The following PPP6R3 variants were observed in gnomAD, a reference collection of about 807,000 sequenced individuals.
The protein encoded by PPP6R3 is serine/threonine-protein phosphatase 6 regulatory subunit 3.
PPP6R3 carries 38 observed loss-of-function variants against 110.7 expected under a neutral mutation model. The ratio of observed to expected loss-of-function variants is 0.34; its 90% CI spans 0.26 to 0.45. The LOEUF (loss-of-function observed/expected upper bound fraction) is 0.45. Ranked by LOEUF, PPP6R3 falls within the 20% of genes least tolerant of loss-of-function variation. PPP6R3 has a pLI of 1.00. For synonymous variants in PPP6R3, 369 were observed against 373.5 expected (o/e 0.99, Z 0.14); for missense variants, 870 against 1,062.4 (o/e 0.82, Z 2.52).
chr11:68,491,157 A>G (rs1479145095), intron 1 of PPP6R3, among the ~76,000 whole-genome samples: 1 of 152,140 alleles, frequency 6.6e-6, no homozygotes, highest in Non-Finnish European at 1.5e-5. Flanking sequence ...ACTGCACTCC[A>G]GCCTGGGTGA....
chr11:68,521,905 C>G (rs1374468303), intron 2 of PPP6R3, among the ~76,000 whole-genome samples: 3 of 152,110 alleles, frequency 2.0e-5, no homozygotes, highest in African/African-American at 7.2e-5. Context: ...GTCAGAGTTG[C>G]TCCCATCAAA....
intron 1 of PPP6R3, among the ~76,000 whole-genome samples, chr11:68,518,211 C>T (rs1223154302): frequency 6.6e-6 from 1 of 152,134 alleles, no homozygotes; most frequent in Non-Finnish European, 1.5e-5. Flanking sequence ...AAAGGAAAAT[C>T]CTCAGTTTAT....
intron 7 of PPP6R3, among the ~76,000 whole-genome samples, chr11:68,554,647 G>T (rs2099392599): frequency 1.3e-5 from 2 of 152,170 alleles, no homozygotes; most frequent in African/African-American, 4.8e-5. Context: ...AGGATTCATT[G>T]TATCTTTGCA....
intron 14 of PPP6R3, among the ~76,000 whole-genome samples, chr11:68,579,731 C>T (rs956568254): frequency 6.6e-6 from 1 of 152,190 alleles, no homozygotes; most frequent in South Asian, 2.1e-4. Flanking sequence ...TGACAGTAGT[C>T]CCATAAGATT....
intron 6 of PPP6R3, among the ~76,000 whole-genome samples, chr11:68,552,375 C>T (rs1011977616): frequency 1.3e-5 from 2 of 152,170 alleles, no homozygotes; most frequent in African/African-American, 4.8e-5. Flanking sequence ...GATAGTAGAG[C>T]GAAACCCTTT....
At chr11:68,498,385 A>G (rs1275799458) in intron 1 of PPP6R3, among the ~76,000 whole-genome samples, 3 of 152,154 alleles carry the variant, frequency 2.0e-5, no homozygotes, top group African/African-American at 7.2e-5. Context: ...CTTCTATATT[A>G]TTACTATTTA....
intron 1 of PPP6R3, among the ~76,000 whole-genome samples, chr11:68,479,823 C>T (rs576859316): frequency 4.9e-4 from 75 of 152,070 alleles, no homozygotes; most frequent in African/African-American, 1.8e-3. Context: ...ACTGTAGCCT[C>T]GGACACCTGG....
intron 1 of PPP6R3, among the ~76,000 whole-genome samples, chr11:68,506,651 C>G (rs2099079670): frequency 6.6e-6 from 1 of 152,002 alleles, no homozygotes; most frequent in Admixed American, 6.6e-5. Context: ...ATTCACCATG[C>G]TATGCACTAT....
chr11:68,569,700 C>T, intron 10 of PPP6R3, 48 bp from the exon 11 acceptor site: 1 of 1,447,932 alleles, frequency 6.9e-7, no homozygotes, highest in Non-Finnish European at 9.4e-7. Context: ...TAAGTATTGG[C>T]TTAAACATTG....
chr11:68,518,337 C>G (rs1230694551), intron 1 of PPP6R3, among the ~76,000 whole-genome samples: 1 of 152,162 alleles, frequency 6.6e-6, no homozygotes, highest in Non-Finnish European at 1.5e-5. Flanking sequence ...AACAAAGCTT[C>G]ATTTATGTAG....
At chr11:68,550,702 G>C (rs2099367412) in intron 5 of PPP6R3, among the ~76,000 whole-genome samples, 1 of 152,108 alleles carries the variant, frequency 6.6e-6, no homozygotes, top group Non-Finnish European at 1.5e-5. Flanking sequence ...CCAGAGACTT[G>C]GTGCTAAATA....
chr11:68,507,681 G>A (rs764847166), intron 1 of PPP6R3, among the ~76,000 whole-genome samples: 2 of 152,036 alleles, frequency 1.3e-5, no homozygotes, highest in Non-Finnish European at 2.9e-5. Context: ...GCATTAGGAG[G>A]GCATTCTGAG....
intron 9 of PPP6R3, among the ~76,000 whole-genome samples, chr11:68,566,614 G>T (rs746365963): frequency 7.2e-5 from 11 of 152,078 alleles, no homozygotes; most frequent in Non-Finnish European, 1.3e-4. Context: ...ACCCACCTCG[G>T]CCTCTCAAAG....
At position 68,479,310 on chromosome 11, in the gene PPP6R3, C is replaced by T. The variant is rs377612248; in HGVS notation, c.-158+18483C>T. Among the ~76,000 whole-genome samples, 7 of 152,150 alleles carry T rather than the reference C, an allele frequency of 4.6e-5. No homozygotes were observed. The East Asian group carries it at 5.8e-4, about 13-fold the overall frequency. On this transcript the variant is annotated intron_variant, in intron 1 of 23. Coordinates refer to ENST00000393800, the MANE Select transcript of PPP6R3 (RefSeq NM_001164161.2). ...GAGGGTCTTTTTCCCCTTGGAGACG[C>T]GGAATAAACTGTGTTGTGTGCCTGC... is the stretch of plus-strand genomic sequence containing the variant.
At chr11:68,611,843 C>T (rs888114994) in intron 23 of PPP6R3, among the ~76,000 whole-genome samples, 2 of 152,134 alleles carry the variant, frequency 1.3e-5, no homozygotes, top group African/African-American at 4.8e-5. Flanking sequence ...GAAGCTCACC[C>T]GTCTTTCCTG....
intron 4 of PPP6R3, 93 bp downstream of exon 4, chr11:68,545,117 C>A: frequency 2.0e-6 from 2 of 1,004,950 alleles, no homozygotes; most frequent in Non-Finnish European, 1.4e-6. Flanking sequence ...TCTAACTTTG[C>A]CTTAAGTTCA....
intron 8 of PPP6R3, among the ~76,000 whole-genome samples, chr11:68,562,775 A>G (rs1438941308): frequency 6.6e-6 from 1 of 152,194 alleles, no homozygotes; most frequent in East Asian, 1.9e-4. Context: ...GGATGATAGA[A>G]CTAGACATAA....
intron 1 of PPP6R3, among the ~76,000 whole-genome samples, chr11:68,493,157 A>G (rs2098994041): frequency 6.6e-6 from 1 of 152,152 alleles, no homozygotes; most frequent in South Asian, 2.1e-4. Context: ...CTGGATATGT[A>G]GGGTCTAAGT....
Position 68,614,510 on chromosome 11 carries a change from G to A in PPP6R3, c.*1393G>A. ...AAACCAAAAGGATATTCTGAAAAAT[G>A]GCCAACAATTTTTTTAGAAGTAGCA... On this transcript the variant is annotated 3_prime_UTR_variant, in exon 24 of 24. Coordinates refer to ENST00000393800, the MANE Select transcript of PPP6R3 (RefSeq NM_001164161.2). 1 of 1,420,438 alleles carries A rather than the reference G, an allele frequency of 7.0e-7. No homozygotes were observed. Among genetic ancestry groups the A allele is most frequent in the South Asian group, 1.6e-5 (1 of 62,664 alleles). The allele number at this position is 1,420,438 out of a possible 1,614,324, so 88.0% of individuals were successfully genotyped here. A position where few individuals can be genotyped will look rare whatever the true frequency, so the allele number is the denominator to read the frequency against.
Sources: allele counts gnomAD v4.1 joint callset (sites outside exome capture counted in the v4.1 genomes callset), GRCh38; gene constraint gnomAD v4.1.1; transcripts MANE v1.5; gene names NCBI Gene and HGNC (gene_info 2026-07-23, HGNC 2026-07-21).